CLASP1: variants seen among roughly 807,000 people sequenced by gnomAD.
The protein encoded by CLASP1 is CLIP-associating protein 1.
CLASP1 carries 38 observed loss-of-function variants against 192.3 expected under a neutral mutation model. The ratio of observed to expected loss-of-function variants is 0.20; its 90% CI spans 0.15 to 0.26. The LOEUF (loss-of-function observed/expected upper bound fraction) is 0.26, where lower values mean the gene tolerates loss of function less well. Among genes scored for constraint, CLASP1 ranks in the 10% least tolerant of loss-of-function variants. The pLI, the probability that CLASP1 is intolerant of heterozygous loss-of-function variation, is 1.00. For missense variants in CLASP1, 1,433 were observed against 1,932.5 expected (o/e 0.74, Z 4.85); for synonymous variants, 691 against 712.8 (o/e 0.97, Z 0.49).
At chr2:121,579,932 T>G (rs2060947751) in intron 2 of CLASP1, among the ~76,000 whole-genome samples, 1 of 152,242 alleles carries the variant, frequency 6.6e-6, no homozygotes, top group African/African-American at 2.4e-5. Context: ...TACCAGTGTT[T>G]GCTCATTTCA....
chr2:121,364,899 A>G (rs2067090519), intron 36 of CLASP1, 195 bp downstream of exon 37: 3 of 614,090 alleles, frequency 4.9e-6, no homozygotes, highest in Non-Finnish European at 5.8e-6. Flanking sequence ...TAAGCCAAGC[A>G]GCAGCTTGTT....
chr2:121,418,669 C>A (rs757346087), exon 23 of CLASP1: 17 of 1,613,766 alleles, frequency 1.1e-5, no homozygotes, highest in Admixed American at 3.3e-5. Flanking sequence ...GCTGCTCTCA[C>A]GGCTGGTATC....
At chr2:121,497,876 C>T (rs1433744134) in intron 8 of CLASP1, among the ~76,000 whole-genome samples, 2 of 152,140 alleles carry the variant, frequency 1.3e-5, no homozygotes, top group Admixed American at 6.5e-5. Flanking sequence ...CCCACCACCA[C>T]GCCCGGGCCC....
intron 1 of CLASP1, among the ~76,000 whole-genome samples, chr2:121,613,013 T>G (rs908752863): frequency 6.6e-6 from 1 of 152,252 alleles, no homozygotes; most frequent in Non-Finnish European, 1.5e-5. Flanking sequence ...GACATTAAAA[T>G]GATACAGAAG....
intron 6 of CLASP1, among the ~76,000 whole-genome samples, chr2:121,524,847 G>A (rs1575654472): frequency 6.6e-6 from 1 of 152,182 alleles, no homozygotes; most frequent in East Asian, 1.9e-4. Flanking sequence ...AGTGAGGAGG[G>A]GAGAGGCTGG....
intron 23 of CLASP1, among the ~76,000 whole-genome samples, chr2:121,416,659 G>A (rs192443265): frequency 1.4e-4 from 22 of 152,152 alleles, no homozygotes; most frequent in African/African-American, 4.3e-4. Context: ...TCTAACCCCC[G>A]ACCCCAAGAA....
At chr2:121,429,524 T>C (rs1156818868) in intron 20 of CLASP1, among the ~76,000 whole-genome samples, 2 of 152,228 alleles carry the variant, frequency 1.3e-5, no homozygotes, top group Non-Finnish European at 2.9e-5. Flanking sequence ...GCTGCTTTCA[T>C]GGCTAAGGCT....
intron 1 of CLASP1, among the ~76,000 whole-genome samples, chr2:121,632,051 C>T (rs1004060567): frequency 6.6e-6 from 1 of 151,698 alleles, no homozygotes; most frequent in Non-Finnish European, 1.5e-5. Flanking sequence ...CATCTCAAAA[C>T]AAATAAAATA....
chr2:121,645,147 C>CTGA (rs1559863453), intron 1 of CLASP1, among the ~76,000 whole-genome samples: 1 of 152,168 alleles, frequency 6.6e-6, no homozygotes, highest in Non-Finnish European at 1.5e-5. Flanking sequence ...GTCTCTTCAA[C>CTGA]TGTACCCTCT....
chr2:121,418,863 C>T (rs765337024), intron 22 of CLASP1, 134 bp from the exon 23 acceptor site: 2 of 650,230 alleles, frequency 3.1e-6, no homozygotes, highest in South Asian at 1.8e-5. Context: ...ATGACTGAGC[C>T]ACCTATCCAT....
intron 2 of CLASP1, among the ~76,000 whole-genome samples, chr2:121,534,038 C>G (rs2094970821): frequency 6.6e-6 from 1 of 152,234 alleles, no homozygotes; most frequent in Non-Finnish European, 1.5e-5. Flanking sequence ...CATAAAAGGA[C>G]ACCTGCAGCA....
intron 1 of CLASP1, among the ~76,000 whole-genome samples, chr2:121,643,074 T>A (rs971266196): frequency 2.0e-5 from 3 of 151,986 alleles, no homozygotes; most frequent in African/African-American, 7.3e-5. Flanking sequence ...TACACTGACC[T>A]CAGCTATCCT....
At position 121,640,733 on chromosome 2, in the gene CLASP1, C is replaced by G. The variant is rs146679681; in HGVS notation, c.-286+8639G>C. Among the ~76,000 whole-genome samples, 78 of 152,122 alleles carry G rather than the reference C, an allele frequency of 5.1e-4. No homozygotes were observed. The East Asian group carries it at 0.014, about 28-fold the overall frequency. ...AAAGCATGCTGAAGATTTTAAAAGC[C>G]AAATTCTGCTATTCTGCAGGTGTGT... On this transcript the variant is annotated intron_variant, in intron 1 of 39. Transcript: ENST00000263710.
In CLASP1 at chr2:121,500,394, A is replaced by AAG. The variant is rs1194943184; in HGVS notation, c.712+2771_712+2772dup. The stretch of plus-strand genomic sequence containing the variant: ...AAAGAAAGAAAGAAAGAAAGAAAGA[A>AAG]AGAAAAGAAAGAAAGAAAGAAAAAA... On this transcript the variant is annotated intron_variant, in intron 8 of 39. Coordinates refer to ENST00000263710, the Ensembl canonical transcript of CLASP1. 3.3e-5 allele frequency among the ~76,000 whole-genome samples: 5 copies of AAG among 149,286 alleles called. No homozygotes were observed. In the East Asian group the frequency reaches 7.9e-4, roughly 24 times the overall value.
chr2:121,483,836 A>T (rs1212378430), intron 8 of CLASP1, among the ~76,000 whole-genome samples: 1 of 152,242 alleles, frequency 6.6e-6, no homozygotes, highest in African/African-American at 2.4e-5. Context: ...TAAAGAATTA[A>T]CATAAACCAA....
At chr2:121,377,159 G>C (rs1173749584) in intron 34 of CLASP1, among the ~76,000 whole-genome samples, 2 of 152,140 alleles carry the variant, frequency 1.3e-5, no homozygotes, top group Non-Finnish European at 2.9e-5. Flanking sequence ...AAGTACTGTA[G>C]GGTAAATACA....
chr2:121,425,177 C>T (rs750433614), exon 22 of CLASP1: 3 of 1,612,514 alleles, frequency 1.9e-6, no homozygotes, highest in Admixed American at 3.4e-5. Flanking sequence ...CCGGCTACAT[C>T]CCTGGCTCCT....
intron 19 of CLASP1, among the ~76,000 whole-genome samples, chr2:121,442,756 G>C (rs1392645371): frequency 6.6e-6 from 1 of 152,090 alleles, no homozygotes; most frequent in Non-Finnish European, 1.5e-5. Context: ...TGGGATTACA[G>C]GGGTGAGCCA....
intron 2 of CLASP1, chr2:121,531,083 C>A (rs532914111): frequency 2.4e-5 from 16 of 677,494 alleles, no homozygotes; most frequent in Non-Finnish European, 4.1e-5. Flanking sequence ...TGTGGTTAAA[C>A]CAGTAGAGGG....
Sources: allele counts gnomAD v4.1 joint callset (sites outside exome capture counted in the v4.1 genomes callset), GRCh38; gene constraint gnomAD v4.1.1; transcripts MANE v1.5; gene names NCBI Gene and HGNC (gene_info 2026-07-23, HGNC 2026-07-21).